SAMD4A: variants seen among roughly 807,000 people sequenced by gnomAD.
SAMD4A encodes the protein sterile alpha motif domain containing 4A, also known as protein Smaug homolog 1.
SAMD4A carries 33 observed loss-of-function variants against 81.3 expected under a neutral mutation model. That is an observed-to-expected ratio of 0.41 (90% CI 0.31 to 0.54). The LOEUF is 0.54. SAMD4A is among the 20% of genes least tolerant of loss of function. The pLI, the probability that SAMD4A is intolerant of heterozygous loss-of-function variation, is 0.37. For missense variants in SAMD4A, 854 were observed against 951.1 expected (o/e 0.90, Z 1.34); for synonymous variants, 389 against 382.1 (o/e 1.02, Z -0.21).
chr14:54,608,724 G>A lies in SAMD4A; in HGVS notation c.196+40612G>A, dbSNP rs144202519. On this transcript the variant is annotated intron_variant, in intron 2 of 12. Coordinates refer to ENST00000554335, the MANE Select transcript of SAMD4A (RefSeq NM_015589.6). ...GAGTTACATTCAGAGCAGCCCAACT[G>A]TGTATTTTTAGTGGAAGAAGAAGGC... 9.9e-4 allele frequency among the ~76,000 whole-genome samples: 151 copies of A among 152,342 alleles called. 1 individual carries two copies. The highest frequency in any genetic ancestry group is 3.4e-3 in the African/African-American group (142 of 41,578).
At chr14:54,621,882 AG>A (rs1237814888) in intron 2 of SAMD4A, among the ~76,000 whole-genome samples, 5 of 152,190 alleles carry the variant, frequency 3.3e-5, no homozygotes, top group Non-Finnish European at 5.9e-5. Context: ...GCAAAGCAGG[AG>A]GGGGGAGTGT....
chr14:54,586,402 C>A (rs905118174), intron 2 of SAMD4A, among the ~76,000 whole-genome samples: 1 of 152,160 alleles, frequency 6.6e-6, no homozygotes, highest in Non-Finnish European at 1.5e-5. Flanking sequence ...CTGATTATTT[C>A]TTTTGCTGTG....
intron 2 of SAMD4A, among the ~76,000 whole-genome samples, chr14:54,639,186 T>C (rs2035107250): frequency 6.6e-6 from 1 of 152,246 alleles, no homozygotes; most frequent in African/African-American, 2.4e-5. Context: ...ATCACAGAGT[T>C]ATGTCAGAAT....
At chr14:54,687,282 C>T (rs1277373354) in intron 2 of SAMD4A, 1 of 450,634 alleles carries the variant, frequency 2.2e-6, no homozygotes, top group Non-Finnish European at 4.4e-6. Context: ...CAGTTATGAA[C>T]CAAGTATTTC....
intron 2 of SAMD4A, among the ~76,000 whole-genome samples, chr14:54,599,114 C>T (rs930727419): frequency 4.6e-5 from 7 of 152,210 alleles, no homozygotes; most frequent in Non-Finnish European, 7.3e-5. Context: ...GCCAGTGCAC[C>T]TGGCCCTGTC....
intron 2 of SAMD4A, chr14:54,694,994 A>G: frequency 1.1e-6 from 1 of 882,150 alleles, no homozygotes; most frequent in Non-Finnish European, 1.4e-6. Flanking sequence ...GAGGATGGTC[A>G]GATGCCTTTG....
At chr14:54,751,345 A>C (rs1156358921) in intron 5 of SAMD4A, 106 bp from the exon 6 acceptor site, 1 of 704,064 alleles carries the variant, frequency 1.4e-6, no homozygotes, top group Non-Finnish European at 2.4e-6. Flanking sequence ...GCCCGTGAAC[A>C]TATAGGAGCA....
intron 2 of SAMD4A, among the ~76,000 whole-genome samples, chr14:54,580,311 T>C (rs901445378): frequency 4.6e-5 from 7 of 152,178 alleles, no homozygotes; most frequent in Admixed American, 4.6e-4. Flanking sequence ...ATTAAAATGG[T>C]CCCCTCAAAG....
intron 5 of SAMD4A, among the ~76,000 whole-genome samples, chr14:54,751,220 T>A (rs1485565848): frequency 2.6e-5 from 4 of 152,174 alleles, no homozygotes; most frequent in Non-Finnish European, 5.9e-5. Context: ...GGCGCCACTG[T>A]ACTCTAGCCT....
chr14:54,630,796 A>G (rs1417378975), intron 2 of SAMD4A, among the ~76,000 whole-genome samples: 3 of 152,278 alleles, frequency 2.0e-5, no homozygotes, highest in African/African-American at 7.2e-5. Context: ...AAAAGAGCCA[A>G]TAGGATGTGT....
At chr14:54,589,772 A>T (rs1453762079) in intron 2 of SAMD4A, among the ~76,000 whole-genome samples, 1 of 152,172 alleles carries the variant, frequency 6.6e-6, no homozygotes, top group Non-Finnish European at 1.5e-5. Context: ...GTTAATCATG[A>T]TATCTTTACT....
At chr14:54,637,892 A>T (rs890289472) in intron 2 of SAMD4A, among the ~76,000 whole-genome samples, 1 of 152,164 alleles carries the variant, frequency 6.6e-6, no homozygotes, top group Non-Finnish European at 1.5e-5. Flanking sequence ...AATTTTTATT[A>T]AGAAAGCCTC....
intron 3 of SAMD4A, among the ~76,000 whole-genome samples, chr14:54,717,276 TA>T (rs1209454971): frequency 1.3e-5 from 2 of 151,704 alleles, no homozygotes; most frequent in African/African-American, 4.8e-5. Context: ...CCCCTATCTC[TA>T]CAAAAAAATA....
At chr14:54,666,773 A>C (rs2035767367) in intron 2 of SAMD4A, among the ~76,000 whole-genome samples, 1 of 152,174 alleles carries the variant, frequency 6.6e-6, no homozygotes, top group Admixed American at 6.5e-5. Context: ...GACAGGGAGC[A>C]TTAACCCTTT....
At chr14:54,779,113 C>T (rs928754840) in intron 11 of SAMD4A, among the ~76,000 whole-genome samples, 4 of 151,358 alleles carry the variant, frequency 2.6e-5, no homozygotes, top group Admixed American at 1.3e-4. Context: ...CGCTTCTGCT[C>T]TTCCTGGATT....
At chr14:54,743,329 G>C (rs1436188943) in intron 4 of SAMD4A, among the ~76,000 whole-genome samples, 1 of 152,230 alleles carries the variant, frequency 6.6e-6, no homozygotes, top group Non-Finnish European at 1.5e-5. Flanking sequence ...CAAATGCCAA[G>C]ATATGACCCA....
chr14:54,610,553 G>A (rs368716396), intron 2 of SAMD4A, among the ~76,000 whole-genome samples: 95 of 152,252 alleles, frequency 6.2e-4, no homozygotes, highest in African/African-American at 2.3e-3. Context: ...TCTACAACTG[G>A]GGGTTGCTTA....
chr14:54,779,119 G>A (rs929008440), intron 11 of SAMD4A, among the ~76,000 whole-genome samples: 4 of 151,590 alleles, frequency 2.6e-5, no homozygotes, highest in African/African-American at 9.8e-5. Flanking sequence ...TGCTCTTCCT[G>A]GATTCAGAGC....
chr14:54,651,043 C>A (rs1193822965), intron 2 of SAMD4A, among the ~76,000 whole-genome samples: 4 of 152,182 alleles, frequency 2.6e-5, no homozygotes. Context: ...TGACCCTTGC[C>A]ACACATTTCT....
Sources: allele counts gnomAD v4.1 joint callset (sites outside exome capture counted in the v4.1 genomes callset), GRCh38; gene constraint gnomAD v4.1.1; transcripts MANE v1.5; gene names NCBI Gene and HGNC (gene_info 2026-07-23, HGNC 2026-07-21).